CLGN: variants seen among roughly 807,000 people sequenced by gnomAD.
The protein encoded by CLGN is testis tissue sperm-binding protein Li 79P.
CLGN carries 62 observed loss-of-function variants against 79.1 expected under a neutral mutation model. The observed-to-expected ratio is 0.78, with a 90% CI of 0.64 to 0.97. CLGN has a LOEUF of 0.97. Among genes scored for constraint, CLGN ranks in the 50% least tolerant of loss-of-function variants. The probability of loss-of-function intolerance (pLI) is 0.00; values close to 1 mark genes in which losing one functional copy is unlikely to be tolerated. For missense variants in CLGN, 647 were observed against 715.5 expected (o/e 0.90, Z 1.09); for synonymous variants, 225 against 224.7 (o/e 1.00, Z -0.01).
At position 140,413,863 on chromosome 4, in the gene CLGN, A is replaced by G. The variant is rs547098223; in HGVS notation, c.-9-776T>C. Reference sequence around the variant, plus strand: ...ACTGGGCGGAGCCCACCACAGCTCAAGGAGGCCTGCCTGCCTCTGTAGGCT... The same window carrying G: ...ACTGGGCGGAGCCCACCACAGCTCAGGGAGGCCTGCCTGCCTCTGTAGGCT... On this transcript the variant is annotated intron_variant, in intron 1 of 14. Transcript: ENST00000325617. Among the ~76,000 whole-genome samples, 183 of 152,394 alleles carry G rather than the reference A, an allele frequency of 1.2e-3. 3 individuals are homozygous for G. Among genetic ancestry groups the G allele is most frequent in the African/African-American group, 4.3e-3 (180 of 41,604 alleles).
In CLGN at chr4:140,395,931, A is replaced by G; in HGVS notation, c.1037T>C (p.Ile346Thr). The G allele has an allele frequency of 6.2e-7, 1 of 1,602,536 alleles. No homozygotes were observed. Among genetic ancestry groups the G allele is most frequent in the Non-Finnish European group, 8.5e-7 (1 of 1,176,186 alleles). ...DTDGEWEAPQ[I>T]LNPACRIGCG... ...CCCAATCCGACATGCTGGATTAAGA[A>G]TCTGAGGTGCCTCCCATTCTCCATC... is the stretch of plus-strand genomic sequence containing the variant. The change falls in exon 10 of 15, where the codon ATT becomes ACT. Residue 346 changes from isoleucine to threonine, a missense_variant. Coordinates refer to ENST00000325617, the MANE Select transcript of CLGN (RefSeq NM_004362.3).
At chr4:140,415,142 A>G (rs1403137567) in intron 1 of CLGN, among the ~76,000 whole-genome samples, 54 of 152,066 alleles carry the variant, frequency 3.6e-4, no homozygotes, top group African/African-American at 1.5e-4. Flanking sequence ...TTACAGACAA[A>G]CAAATGCTGA....
chr4:140,394,919 C>A lies in CLGN; in HGVS notation c.1150-878G>T, dbSNP rs1381537419. ...AATCAGGGCTGGGTTCGGTGGCTTA[C>A]TTCTGTAACCTGAGCACTTTGGGAG... On this transcript the variant is annotated intron_variant, in intron 10 of 14. Coordinates refer to ENST00000325617, the MANE Select transcript of CLGN (RefSeq NM_004362.3). 2.0e-5 allele frequency among the ~76,000 whole-genome samples: 3 copies of A among 152,080 alleles called. No homozygotes were observed. In the East Asian group the frequency reaches 5.8e-4, roughly 29 times the overall value.
intron 4 of CLGN, among the ~76,000 whole-genome samples, chr4:140,407,982 A>C (rs954625020): frequency 6.6e-6 from 1 of 152,094 alleles, no homozygotes; most frequent in African/African-American, 2.4e-5. Flanking sequence ...TCAGGTAGAC[A>C]CATAGACCAC....
At chr4:140,424,119 G>A (rs944986509) in intron 1 of CLGN, among the ~76,000 whole-genome samples, 3 of 151,942 alleles carry the variant, frequency 2.0e-5, no homozygotes, top group African/African-American at 7.2e-5. Flanking sequence ...TTGTTAACTT[G>A]AGATCTTTTG....
chr4:140,425,440 G>GTGTGTGTC (rs1466341219), intron 1 of CLGN, among the ~76,000 whole-genome samples: 6 of 95,226 alleles, frequency 6.3e-5, no homozygotes, highest in Non-Finnish European at 1.3e-4. Context: ...GTGTGTGTGT[G>GTGTGTGTC]TGTGTGTGTG....
At chr4:140,415,509 T>C (rs1419220342) in intron 1 of CLGN, among the ~76,000 whole-genome samples, 2 of 152,046 alleles carry the variant, frequency 1.3e-5, no homozygotes, top group African/African-American at 2.4e-5. Context: ...GAGGAAGATC[T>C]ACCAAGCAAA....
Position 140,401,177 on chromosome 4 carries a change from A to G in CLGN, c.502-628T>C, listed in dbSNP as rs546374435. Among the ~76,000 whole-genome samples, 5 of 152,292 alleles carry G rather than the reference A, an allele frequency of 3.3e-5. 1 individual carries two copies. The South Asian group carries it at 1.0e-3, about 32-fold the overall frequency. ...TCTGAAGTATGGAGATGATAATAGTACCTACCTTATAAGAGTTCTCTAAGG... is the reference window on the plus strand; with the variant it reads ...TCTGAAGTATGGAGATGATAATAGTGCCTACCTTATAAGAGTTCTCTAAGG... On this transcript the variant is annotated intron_variant, in intron 6 of 14. Transcript: ENST00000325617.
rs1728728021 is a variant in CLGN at position 140,389,172 on chromosome 4, T to G, written c.*52A>C. The G allele has an allele frequency of 2.0e-6, 3 of 1,471,352 alleles. No individual in the cohort carries two copies. In the South Asian group the frequency reaches 3.4e-5, roughly 17 times the overall value. The allele number at this position is 1,471,352 out of a possible 1,614,324, so 91.1% of individuals were successfully genotyped here. ...TTAAAGTTCAGGTCTGGCATGCTGATTTTTACAATGCCAAACATCCCTCTC... is the reference window on the plus strand; with the variant it reads ...TTAAAGTTCAGGTCTGGCATGCTGAGTTTTACAATGCCAAACATCCCTCTC... On this transcript the variant is annotated 3_prime_UTR_variant, in exon 15 of 15. Coordinates refer to ENST00000325617, the MANE Select transcript of CLGN (RefSeq NM_004362.3).
At position 140,390,646 on chromosome 4, in the gene CLGN, C is replaced by T. The variant is rs764608425; in HGVS notation, c.1734G>A (p.Lys578=). The part of the protein sequence containing the change: ...EGQEESNQSN[K]SGSEDEMKEA... ...CTGTTACCTCATCCTCTGACCCAGA[C>T]TTATTTGATTGATTACTTTCTTCTT... is the stretch of plus-strand genomic sequence containing the variant. The change falls in exon 14 of 15, where the codon AAG becomes AAA. Residue 578 remains lysine, a synonymous_variant. Transcript: ENST00000325617. 7 of 1,595,958 alleles carry T rather than the reference C, an allele frequency of 4.4e-6. No individual in the cohort carries two copies. Among genetic ancestry groups the T allele is most frequent in the Middle Eastern group, 1.7e-4 (1 of 5,994 alleles).
At chr4:140,394,568 C>T (rs1422248715) in intron 10 of CLGN, among the ~76,000 whole-genome samples, 2 of 152,190 alleles carry the variant, frequency 1.3e-5, no homozygotes, top group African/African-American at 4.8e-5. Flanking sequence ...TGCTCACTGA[C>T]TCACTCCACC....
intron 5 of CLGN, among the ~76,000 whole-genome samples, chr4:140,404,150 G>A (rs971568728): frequency 7.9e-5 from 12 of 151,898 alleles, no homozygotes; most frequent in Non-Finnish European, 1.3e-4. Context: ...CTGGAGTGCA[G>A]TGGCATGATC....
intron 7 of CLGN, among the ~76,000 whole-genome samples, 173 bp from the exon 8 acceptor site, chr4:140,399,213 T>C (rs1728952193): frequency 6.6e-6 from 1 of 152,212 alleles, no homozygotes; most frequent in South Asian, 2.1e-4. Context: ...TAGATACATT[T>C]CCTAAAGATA....
At chr4:140,390,886 C>A (rs1466718946) in intron 13 of CLGN, among the ~76,000 whole-genome samples, 158 bp from the exon 14 acceptor site, 1 of 151,608 alleles carries the variant, frequency 6.6e-6, no homozygotes, top group East Asian at 1.9e-4. Flanking sequence ...ATTATAAATA[C>A]TCATTATATT....
chr4:140,397,855 G>C (rs1002857130), intron 8 of CLGN, among the ~76,000 whole-genome samples: 8 of 152,206 alleles, frequency 5.3e-5, no homozygotes, highest in Non-Finnish European at 1.0e-4. Context: ...AGTGAACTGA[G>C]ATCACGCCAT....
chr4:140,414,292 C>A (rs1344498892), intron 1 of CLGN, among the ~76,000 whole-genome samples: 2 of 152,050 alleles, frequency 1.3e-5, no homozygotes, highest in East Asian at 3.9e-4. Context: ...AAGCAGAGCG[C>A]CTCTCCTCCT....
intron 10 of CLGN, among the ~76,000 whole-genome samples, chr4:140,394,952 T>C (rs1329838154): frequency 6.6e-6 from 1 of 151,964 alleles, no homozygotes; most frequent in African/African-American, 2.4e-5. Context: ...GAGGCCAAGG[T>C]GGGCGGATCA....
chr4:140,423,408 C>T (rs890681028), intron 1 of CLGN, among the ~76,000 whole-genome samples: 4 of 152,166 alleles, frequency 2.6e-5, no homozygotes, highest in African/African-American at 9.7e-5. Context: ...GTATATAACT[C>T]TTTTAATATG....
chr4:140,403,408 GTTCT>G, intron 5 of CLGN, among the ~76,000 whole-genome samples: 1 of 152,098 alleles, frequency 6.6e-6, no homozygotes, highest in Non-Finnish European at 1.5e-5. Context: ...GTATTCTTTC[GTTCT>G]TTTTCATTTT....
Sources: gnomAD v4.1 joint callset for allele counts (sites outside exome capture counted in the v4.1 genomes callset) on GRCh38, gnomAD v4.1.1 for gene constraint, MANE v1.5 for transcripts, NCBI Gene and HGNC (gene_info 2026-07-23, HGNC 2026-07-21) for gene names.